Variants in GRAP2 observed in about 807,000 individuals in gnomAD.
GRAP2 encodes the protein GRB2 related adaptor protein 2.
GRAP2 carries 31 observed loss-of-function variants against 43.5 expected under a neutral mutation model. The ratio of observed to expected loss-of-function variants is 0.71; its 90% CI spans 0.54 to 0.96. The LOEUF (loss-of-function observed/expected upper bound fraction) is 0.96, where lower values mean the gene tolerates loss of function less well. GRAP2 is among the 40% of genes least tolerant of loss of function. GRAP2 has a pLI of 0.00. For synonymous variants in GRAP2, 156 were observed against 164.8 expected, an observed-to-expected ratio of 0.95 and a Z score of 0.41; for missense variants, 371 against 424.4, an observed-to-expected ratio of 0.87 and a Z score of 1.11.
intron 3 of GRAP2, among the ~76,000 whole-genome samples, chr22:39,957,257 C>G (rs2067064451): frequency 6.6e-6 from 1 of 152,176 alleles, no homozygotes. Context: ...GACCACTGAC[C>G]TTGACGGAAC....
intron 6 of GRAP2, chr22:39,968,537 C>T (rs1416004106): frequency 4.0e-6 from 2 of 504,084 alleles, no homozygotes; most frequent in African/African-American, 1.9e-5. Flanking sequence ...CCCCTGAGGA[C>T]CCAGTAAACA....
intron 1 of GRAP2, among the ~76,000 whole-genome samples, chr22:39,921,668 A>C (rs2066653888): frequency 6.6e-6 from 1 of 152,196 alleles, no homozygotes; most frequent in African/African-American, 2.4e-5. Flanking sequence ...TACATGTTTT[A>C]ATCATTTATT....
intron 1 of GRAP2, among the ~76,000 whole-genome samples, chr22:39,936,198 C>G (rs919706645): frequency 2.0e-5 from 3 of 152,168 alleles, no homozygotes; most frequent in Non-Finnish European, 4.4e-5. Context: ...ACCCCTGCCA[C>G]CCCCACCCCG....
intron 1 of GRAP2, among the ~76,000 whole-genome samples, chr22:39,937,690 T>C (rs1373668545): frequency 1.3e-5 from 2 of 152,164 alleles, no homozygotes; most frequent in Non-Finnish European, 2.9e-5. Context: ...TAAGGATTAT[T>C]ATCTGCATTT....
intron 2 of GRAP2, among the ~76,000 whole-genome samples, chr22:39,954,941 G>T (rs2067030799): frequency 6.6e-6 from 1 of 152,208 alleles, no homozygotes; most frequent in African/African-American, 2.4e-5. Flanking sequence ...AGTATCTTGG[G>T]TTCCAGCCAA....
intron 1 of GRAP2, among the ~76,000 whole-genome samples, chr22:39,941,252 G>A (rs564313114): frequency 4.5e-4 from 69 of 152,286 alleles, no homozygotes; most frequent in African/African-American, 1.4e-3. Context: ...ACTGCCATTC[G>A]TTGGACACCT....
At chr22:39,911,678 A>G (rs968488505) in intron 1 of GRAP2, among the ~76,000 whole-genome samples, 2 of 152,080 alleles carry the variant, frequency 1.3e-5, no homozygotes, top group South Asian at 4.1e-4. Flanking sequence ...CTAGTCTGCC[A>G]TTCTAATGCA....
rs2145689743 is a variant in GRAP2, at chr22:39,972,214, CA to C, written c.*1132del. 1.3e-5 allele frequency: 2 copies of C among 152,538 alleles called. No individual in the cohort carries two copies. The highest frequency in any genetic ancestry group is 4.8e-5 in the African/African-American group (2 of 41,588). 9.4% of individuals were successfully genotyped at this position (152,538 alleles called of 1,614,324 possible). On this transcript the variant is annotated 3_prime_UTR_variant, in exon 8 of 8. Coordinates refer to ENST00000344138, the MANE Select transcript of GRAP2 (RefSeq NM_004810.4). ...TCCCATCACGCTAGAATCATGTGTC[CA>C]AGGGCTCACTCTGGAGGTGCACAGC...
chr22:39,931,155 G>A (rs561524119), intron 1 of GRAP2, among the ~76,000 whole-genome samples: 10 of 152,322 alleles, frequency 6.6e-5, no homozygotes, highest in Non-Finnish European at 2.9e-5. Flanking sequence ...CACAGGAAAT[G>A]TTTGTTGAAC....
rs1482604828 is a variant in GRAP2 at position 39,955,705 on chromosome 22, A to G, written c.79-114A>G. 3 of 616,716 alleles carry G rather than the reference A, an allele frequency of 4.9e-6. No homozygotes were observed. The African/African-American group carries it at 5.6e-5, about 11-fold the overall frequency. 38.2% of individuals were successfully genotyped at this position (616,716 alleles called of 1,614,324 possible). ...AACAGCTGTTGAGTTCTTTCAACTT[A>G]TTAACATATTTTCCTCTAAGTCCAA... On this transcript the variant is annotated intron_variant, in intron 2 of 7. Transcript: ENST00000344138.
chr22:39,964,410 G>T, intron 4 of GRAP2: 1 of 822,486 alleles, frequency 1.2e-6, no homozygotes, highest in African/African-American at 1.7e-5. Flanking sequence ...AGAAGGCACT[G>T]AAACAGCCCA....
intron 1 of GRAP2, among the ~76,000 whole-genome samples, chr22:39,918,961 C>T (rs1467343943): frequency 6.6e-6 from 1 of 152,134 alleles, no homozygotes; most frequent in African/African-American, 2.4e-5. Context: ...CTGAAATATA[C>T]TACATCAAAT....
intron 1 of GRAP2, among the ~76,000 whole-genome samples, chr22:39,930,122 T>G (rs957016821): frequency 1.3e-5 from 2 of 152,274 alleles, no homozygotes; most frequent in Non-Finnish European, 2.9e-5. Flanking sequence ...AATAAGTTAT[T>G]AAAAATAATT....
At position 39,965,347 on chromosome 22, in the gene GRAP2, T is replaced by C. The variant is rs2067161442; in HGVS notation, c.291-643T>C. Among the ~76,000 whole-genome samples the C allele has an allele frequency of 2.6e-5, 4 of 152,218 alleles. No homozygotes were observed. In the South Asian group the frequency reaches 8.3e-4, roughly 32 times the overall value. On this transcript the variant is annotated intron_variant, in intron 4 of 7. Coordinates refer to ENST00000344138, the MANE Select transcript of GRAP2 (RefSeq NM_004810.4). ...GAGATCACACCACTGCACTCCAGCC[T>C]GGGCGACAGAGTGAGACTCCATCTC...
intron 1 of GRAP2, among the ~76,000 whole-genome samples, chr22:39,903,867 A>G (rs2066507656): frequency 6.6e-6 from 1 of 152,156 alleles, no homozygotes; most frequent in South Asian, 2.1e-4. Context: ...CAATTACTAT[A>G]TGCCAGGCCT....
chr22:39,908,885 T>G (rs1016262591), intron 1 of GRAP2, among the ~76,000 whole-genome samples: 1 of 152,240 alleles, frequency 6.6e-6, no homozygotes, highest in African/African-American at 2.4e-5. Context: ...GTCACTGGAC[T>G]GTGGGAGGTT....
chr22:39,956,652 A>G (rs2067056341), intron 3 of GRAP2, among the ~76,000 whole-genome samples: 1 of 150,544 alleles, frequency 6.6e-6, no homozygotes, highest in African/African-American at 2.4e-5. Context: ...TATTTTTAGT[A>G]GAGATGGGGT....
At chr22:39,951,189 G>A (rs1397680021) in intron 2 of GRAP2, among the ~76,000 whole-genome samples, 1 of 152,170 alleles carries the variant, frequency 6.6e-6, no homozygotes, top group Non-Finnish European at 1.5e-5. Context: ...ACTTGATCCT[G>A]CTTCTCCTAT....
chr22:39,934,792 G>C (rs1216659837), intron 1 of GRAP2, among the ~76,000 whole-genome samples: 2 of 151,948 alleles, frequency 1.3e-5, no homozygotes, highest in Non-Finnish European at 2.9e-5. Context: ...GATGCCTAAA[G>C]CCCCGGAGGT....
Sources: allele counts gnomAD v4.1 joint callset (sites outside exome capture counted in the v4.1 genomes callset), GRCh38; gene constraint gnomAD v4.1.1; transcripts MANE v1.5; gene names NCBI Gene and HGNC (gene_info 2026-07-23, HGNC 2026-07-21).